Variants in C2CD3 observed in about 807,000 individuals in gnomAD.
C2CD3 encodes the protein C2 domain-containing protein 3.
Under a neutral mutation model 234.0 loss-of-function variants are expected in C2CD3, and 148 were observed. That is an observed-to-expected ratio of 0.63 (90% CI 0.55 to 0.72). The LOEUF (loss-of-function observed/expected upper bound fraction) is 0.72, where lower values mean the gene tolerates loss of function less well. Ranked by LOEUF, C2CD3 falls within the 30% of genes least tolerant of loss-of-function variation. The pLI is 0.00. For synonymous variants in C2CD3, 1,000 were observed against 1,035.4 expected (o/e 0.97, Z 0.66); for missense variants, 2,577 against 2,811.5 (o/e 0.92, Z 1.89).
In C2CD3 at chr11:74,073,325, G is replaced by A. The variant is rs557816419; in HGVS notation, c.4951+928C>T. ...CTGTAGGTCTGGCACAGTGGCTCAC[G>A]TCTGTACTCCCAGCACTTTGAGAGG... is the stretch of plus-strand genomic sequence containing the variant. On this transcript the variant is annotated intron_variant, in intron 24 of 32. Coordinates refer to ENST00000334126, the MANE Select transcript of C2CD3 (RefSeq NM_001286577.2). Among the ~76,000 whole-genome samples, 14 of 152,204 alleles carry A rather than the reference G, an allele frequency of 9.2e-5. No individual in the cohort carries two copies. In the South Asian group the frequency reaches 2.3e-3, roughly 25 times the overall value.
chr11:74,059,516 C>T (rs191215455), intron 24 of C2CD3, among the ~76,000 whole-genome samples: 7 of 151,952 alleles, frequency 4.6e-5, no homozygotes, highest in Admixed American at 2.6e-4. Context: ...TTCTCTATCT[C>T]GCTGCTCCTT....
intron 20 of C2CD3, among the ~76,000 whole-genome samples, chr11:74,086,310 G>GCTTAAAGGA (rs1955639947): frequency 6.6e-6 from 1 of 152,234 alleles, no homozygotes; most frequent in Non-Finnish European, 1.5e-5. Context: ...TTGAGTGAGG[G>GCTTAAAGGA]CTTAAAGGAG....
At chr11:74,068,170 C>T (rs1954629442) in intron 24 of C2CD3, among the ~76,000 whole-genome samples, 1 of 152,192 alleles carries the variant, frequency 6.6e-6, no homozygotes, top group Admixed American at 6.5e-5. Flanking sequence ...ATATTAAACT[C>T]CTCTCTGCTT....
chr11:74,038,560 T>C (rs1395831387), intron 29 of C2CD3, among the ~76,000 whole-genome samples: 2 of 152,174 alleles, frequency 1.3e-5, no homozygotes, highest in Non-Finnish European at 2.9e-5. Context: ...AAGTCATGCT[T>C]TTTCCATATG....
chr11:74,168,530 T>C lies in C2CD3; in HGVS notation c.139A>G (p.Arg47Gly), dbSNP rs1856951299. Residue 47 changes from arginine to glycine, a missense_variant, in exon 2 of 33, where the codon AGA becomes GGA. By Grantham distance (125) the Arg-to-Gly change is moderately radical. Coordinates refer to ENST00000334126, the MANE Select transcript of C2CD3 (RefSeq NM_001286577.2). ...LRCFLKLTVN[R>G]VIWKIAKPPT... Reference sequence around the variant, plus strand: ...GGCTTTGCAATCTTCCATATGACTCTATTAACAGTAAGTTTTAGAAAACAG... The same window carrying C: ...GGCTTTGCAATCTTCCATATGACTCCATTAACAGTAAGTTTTAGAAAACAG... The C allele has an allele frequency of 6.2e-7, 1 of 1,614,172 alleles. No homozygotes were observed. Among genetic ancestry groups the C allele is most frequent in the East Asian group, 2.2e-5 (1 of 44,884 alleles).
intron 2 of C2CD3, among the ~76,000 whole-genome samples, chr11:74,165,677 AG>A (rs1014633103): frequency 2.6e-5 from 4 of 152,082 alleles, no homozygotes; most frequent in African/African-American, 4.8e-5. Flanking sequence ...TTTTAGAAAC[AG>A]GGTCTCACTC....
chr11:74,104,100 A>T (rs1430719295), intron 13 of C2CD3, among the ~76,000 whole-genome samples: 1 of 152,242 alleles, frequency 6.6e-6, no homozygotes, highest in Admixed American at 6.5e-5. Flanking sequence ...TAGAGTTAGA[A>T]ATCACCATTT....
At chr11:74,103,937 A>C (rs1956418131) in intron 13 of C2CD3, among the ~76,000 whole-genome samples, 1 of 152,224 alleles carries the variant, frequency 6.6e-6, no homozygotes, top group African/African-American at 2.4e-5. Context: ...CCACTGGCTA[A>C]ATCTAGGACA....
chr11:74,057,837 T>C (rs1954031643), intron 24 of C2CD3, among the ~76,000 whole-genome samples: 2 of 152,128 alleles, frequency 1.3e-5, no homozygotes, highest in South Asian at 2.1e-4. Context: ...TGGTGGCACA[T>C]GCCTGTAGTC....
chr11:74,142,683 GA>G (rs1854884970), intron 3 of C2CD3, among the ~76,000 whole-genome samples: 1 of 151,958 alleles, frequency 6.6e-6, no homozygotes, highest in Non-Finnish European at 1.5e-5. Flanking sequence ...AGCTGAGGGG[GA>G]TGGAAGTAGA....
chr11:74,170,984 C>T lies in C2CD3; in HGVS notation c.-192G>A. 1 of 1,333,256 alleles carries T rather than the reference C, an allele frequency of 7.5e-7. No homozygotes were observed. The highest frequency in any genetic ancestry group is 2.5e-5 in the East Asian group (1 of 39,804). 82.6% of individuals were successfully genotyped at this position (1,333,256 alleles called of 1,614,324 possible). A position where few individuals can be genotyped will look rare whatever the true frequency, so the allele number is the denominator to read the frequency against. ...GTGCGAAGAGAAGGCGCCAAGACGC[C>T]TTCCCTCCAATACACTACAATACCC... is the stretch of plus-strand genomic sequence containing the variant. On this transcript the variant is annotated 5_prime_UTR_variant, in exon 1 of 33. Coordinates refer to ENST00000334126, the MANE Select transcript of C2CD3 (RefSeq NM_001286577.2).
intron 26 of C2CD3, 149 bp from the exon 27 acceptor site, chr11:74,049,691 G>A: frequency 1.6e-6 from 1 of 638,282 alleles, no homozygotes; most frequent in Admixed American, 2.9e-5. Flanking sequence ...AGTTGAGAGG[G>A]ACTGGCAACC....
rs781728805 is a variant in C2CD3, at chr11:74,123,071, C to A, written c.1282G>T (p.Gly428Trp). 3 of 1,612,782 alleles carry A rather than the reference C, an allele frequency of 1.9e-6. No homozygotes were observed. Among genetic ancestry groups the A allele is most frequent in the South Asian group, 2.2e-5 (2 of 91,046 alleles). Residue 428 changes from glycine (G) to tryptophan (W), a missense_variant, in exon 8 of 33, where the codon GGG (glycine) becomes TGG (tryptophan). Transcript: ENST00000334126. The stretch of plus-strand genomic sequence containing the variant: ...TCACTGATGCAATACACATCACTCC[C>A]AGGAGATGGGGAATCTGGAGGAGAG... Reference protein sequence around the residue: ...LGSPPDSPSPGSDVYCISELN... With the variant: ...LGSPPDSPSPWSDVYCISELN...
intron 7 of C2CD3, among the ~76,000 whole-genome samples, chr11:74,123,651 T>C (rs1430236769): frequency 2.7e-5 from 4 of 150,848 alleles, no homozygotes; most frequent in Non-Finnish European, 5.9e-5. Flanking sequence ...TACAAACTAA[T>C]AGGAAGATAA....
chr11:74,139,572 G>T, intron 4 of C2CD3, 33 bp downstream of exon 4: 3 of 1,395,110 alleles, frequency 2.2e-6, no homozygotes, highest in South Asian at 2.3e-5. Context: ...GCAGTTAACT[G>T]ACAGATTGAC....
chr11:74,052,875 T>C (rs1953762542), intron 26 of C2CD3, among the ~76,000 whole-genome samples: 1 of 152,168 alleles, frequency 6.6e-6, no homozygotes, highest in Non-Finnish European at 1.5e-5. Flanking sequence ...GCTCCAAATA[T>C]CACCACTGGC....
At chr11:74,073,586 CA>C (rs72379516) in intron 24 of C2CD3, among the ~76,000 whole-genome samples, 62,366 of 114,604 alleles carry the variant, frequency 0.54, 14,151 homozygotes, top group Admixed American at 0.55. Context: ...GACTTTGTTT[CA>C]AAAAAAAAAA....
intron 27 of C2CD3, among the ~76,000 whole-genome samples, chr11:74,048,722 T>A (rs1953513976): frequency 6.6e-6 from 1 of 152,236 alleles, no homozygotes; most frequent in African/African-American, 2.4e-5. Context: ...GAAATGACCT[T>A]CCTATATTGG....
At chr11:74,163,826 C>T (rs150119649) in intron 2 of C2CD3, among the ~76,000 whole-genome samples, 3 of 152,236 alleles carry the variant, frequency 2.0e-5, no homozygotes, top group African/African-American at 4.8e-5. Context: ...TATAAAAGTG[C>T]TTTGTAGACT....
Sources: gnomAD v4.1 joint callset for allele counts (sites outside exome capture counted in the v4.1 genomes callset) on GRCh38, gnomAD v4.1.1 for gene constraint, MANE v1.5 for transcripts, NCBI Gene and HGNC (gene_info 2026-07-23, HGNC 2026-07-21) for gene names.